Variants in WWOX observed in about 807,000 individuals in gnomAD.
WWOX encodes WW domain containing oxidoreductase.
WWOX carries 69 observed loss-of-function variants against 46.2 expected under a neutral mutation model. That is an observed-to-expected ratio of 1.49 (90% CI 1.23 to 1.82). WWOX has a LOEUF of 1.82. Among genes scored for constraint, WWOX ranks in the 40% most tolerant of loss-of-function variants. WWOX has a pLI of 0.00. For missense variants in WWOX, 919 were observed against 542.6 expected, an observed-to-expected ratio of 1.69 and a Z score of -6.89; for synonymous variants, 359 against 202.6, an observed-to-expected ratio of 1.77 and a Z score of -6.56.
chr16:78,855,937 T>C (rs1262882128), intron 8 of WWOX, among the ~76,000 whole-genome samples: 1 of 152,150 alleles, frequency 6.6e-6, no homozygotes, highest in Non-Finnish European at 1.5e-5. Context: ...TGGGAACAAA[T>C]CAATCAAAAT....
chr16:78,512,824 CAG>C (rs1201890264), intron 8 of WWOX, among the ~76,000 whole-genome samples: 4 of 152,122 alleles, frequency 2.6e-5, no homozygotes, highest in African/African-American at 9.7e-5. Context: ...AAAACAGAAA[CAG>C]AGCAGTCCCT....
intron 8 of WWOX, among the ~76,000 whole-genome samples, chr16:78,782,589 C>T (rs974779139): frequency 9.2e-5 from 14 of 152,050 alleles, no homozygotes; most frequent in African/African-American, 3.1e-4. Context: ...AAAGAGGATT[C>T]CATCTTTATT....
intron 8 of WWOX, among the ~76,000 whole-genome samples, chr16:79,045,119 T>G (rs749883927): frequency 6.6e-6 from 1 of 152,236 alleles, no homozygotes; most frequent in Non-Finnish European, 1.5e-5. Flanking sequence ...ATTCGTTCAT[T>G]CATTTATTCT....
chr16:78,160,383 C>G (rs887159716), intron 4 of WWOX, among the ~76,000 whole-genome samples: 4 of 152,098 alleles, frequency 2.6e-5, no homozygotes, highest in Non-Finnish European at 4.4e-5. Context: ...CCTCGGCCAC[C>G]CCGATTCCTG....
intron 8 of WWOX, among the ~76,000 whole-genome samples, chr16:79,150,752 C>G (rs141356655): frequency 3.3e-5 from 5 of 152,280 alleles, no homozygotes; most frequent in African/African-American, 1.2e-4. Flanking sequence ...AGTGACTTTA[C>G]CCCTTTGGCC....
intron 8 of WWOX, among the ~76,000 whole-genome samples, chr16:78,558,703 T>A (rs1251882760): frequency 6.6e-6 from 1 of 152,252 alleles, no homozygotes; most frequent in Non-Finnish European, 1.5e-5. Flanking sequence ...TGAGCTGGCC[T>A]CTGCCAGTGT....
chr16:78,922,636 C>A (rs376298849), intron 8 of WWOX, among the ~76,000 whole-genome samples: 2 of 152,182 alleles, frequency 1.3e-5, no homozygotes, highest in Middle Eastern at 3.2e-3. Context: ...ACCTTGGCCT[C>A]CCAAAGTGCT....
chr16:78,425,807 CG>C (rs1412590183), intron 7 of WWOX, among the ~76,000 whole-genome samples: 4 of 151,748 alleles, frequency 2.6e-5, no homozygotes, highest in African/African-American at 9.7e-5. Flanking sequence ...GTGTGTTTGG[CG>C]GGGGGAACTT....
intron 8 of WWOX, chr16:78,898,778 A>G (rs2044758804): frequency 6.6e-6 from 1 of 152,138 alleles, no homozygotes; most frequent in Admixed American, 6.5e-5. Flanking sequence ...AGGCTTCTTT[A>G]TTTATAAACA....
At chr16:78,734,333 A>G (rs1026904298) in intron 8 of WWOX, among the ~76,000 whole-genome samples, 7 of 152,142 alleles carry the variant, frequency 4.6e-5, no homozygotes, top group Admixed American at 2.6e-4. Context: ...ATATAAGCTT[A>G]GGAGTCCTGA....
intron 8 of WWOX, among the ~76,000 whole-genome samples, chr16:78,599,948 A>G (rs1163096883): frequency 6.6e-6 from 1 of 152,088 alleles, no homozygotes; most frequent in Admixed American, 6.5e-5. Context: ...CTGTTGATAA[A>G]CACATACCTG....
chr16:78,908,184 G>A lies in WWOX; in HGVS notation c.1057-303424G>A, dbSNP rs551792456. Among the ~76,000 whole-genome samples, 8 of 152,186 alleles carry A rather than the reference G, an allele frequency of 5.3e-5. No homozygotes were observed. The East Asian group carries it at 1.2e-3, about 22-fold the overall frequency. The stretch of plus-strand genomic sequence containing the variant: ...TTAAGAGCCAGTGTAATTGCCCAAC[G>A]GGTTCTCCTTGCCCGCTGCCTAAGC... On this transcript the variant is annotated intron_variant, in intron 8 of 8. Coordinates refer to ENST00000566780, the MANE Select transcript of WWOX (RefSeq NM_016373.4).
chr16:78,929,604 C>T (rs945824213), intron 8 of WWOX, among the ~76,000 whole-genome samples: 4 of 152,050 alleles, frequency 2.6e-5, no homozygotes, highest in African/African-American at 9.7e-5. Context: ...ACAAGGAGGG[C>T]GGGATAAGAT....
At chr16:78,414,582 A>AAACG in intron 6 of WWOX, among the ~76,000 whole-genome samples, 1 of 152,174 alleles carries the variant, frequency 6.6e-6, no homozygotes, top group East Asian at 1.9e-4. Flanking sequence ...ACAAACAAAC[A>AAACG]AAAAGCAAAA....
chr16:79,211,122 G>A (rs888357757), intron 8 of WWOX, among the ~76,000 whole-genome samples: 1 of 151,928 alleles, frequency 6.6e-6, no homozygotes, highest in Non-Finnish European at 1.5e-5. Flanking sequence ...AAAGCATAAA[G>A]GGATGATCTG....
At chr16:78,801,392 C>T (rs1426490944) in intron 8 of WWOX, among the ~76,000 whole-genome samples, 2 of 152,034 alleles carry the variant, frequency 1.3e-5, no homozygotes, top group Admixed American at 6.6e-5. Flanking sequence ...TGCTATAATC[C>T]CAGCTACTCA....
intron 8 of WWOX, among the ~76,000 whole-genome samples, chr16:78,481,028 A>C (rs1028716435): frequency 6.6e-6 from 1 of 152,242 alleles, no homozygotes; most frequent in Non-Finnish European, 1.5e-5. Context: ...AAGTAAACAC[A>C]ATCACAGTTT....
intron 5 of WWOX, among the ~76,000 whole-genome samples, chr16:78,334,657 A>C (rs1385774196): frequency 2.0e-5 from 3 of 152,174 alleles, no homozygotes; most frequent in African/African-American, 4.8e-5. Context: ...CCAAGAATTA[A>C]TTTAAATGAC....
intron 3 of WWOX, 58 bp from the exon 4 acceptor site, chr16:78,114,918 T>C: frequency 6.2e-7 from 1 of 1,610,126 alleles, no homozygotes; most frequent in Non-Finnish European, 8.5e-7. Flanking sequence ...AAGATTGTCT[T>C]ATATTTATAA....
Sources: allele counts gnomAD v4.1 joint callset (sites outside exome capture counted in the v4.1 genomes callset), GRCh38; gene constraint gnomAD v4.1.1; transcripts MANE v1.5; gene names NCBI Gene and HGNC (gene_info 2026-07-23, HGNC 2026-07-21).